MITF: variants seen among roughly 807,000 people sequenced by gnomAD.
MITF encodes melanocyte inducing transcription factor.
In MITF, 17 loss-of-function variants were observed where a neutral mutation model predicts 60.5. The ratio of observed to expected loss-of-function variants is 0.28; its 90% CI spans 0.19 to 0.42. The LOEUF is 0.42. Ranked by LOEUF, MITF falls within the 10% of genes least tolerant of loss-of-function variation. MITF has a pLI of 1.00. For missense variants in MITF, 622 were observed against 683.5 expected (o/e 0.91, Z 1.00); for synonymous variants, 260 against 248.5 (o/e 1.05, Z -0.43).
intron 2 of MITF, among the ~76,000 whole-genome samples, chr3:69,880,160 T>TA (rs1052490635): frequency 6.6e-6 from 1 of 152,324 alleles, no homozygotes; most frequent in Admixed American, 6.5e-5. Context: ...TTTTTTATTT[T>TA]AGTACCTGCT....
chr3:69,959,045 C>T (rs1414251992), intron 8 of MITF, among the ~76,000 whole-genome samples: 4 of 151,812 alleles, frequency 2.6e-5, no homozygotes. Context: ...GGGATAAAAG[C>T]CTACACGTTG....
Position 69,964,655 on chromosome 3 carries a change from A to G in MITF, c.1180-192A>G, listed in dbSNP as rs531719822. ...GTGGCACATTTATTAGAATCAATGA[A>G]CCCGCAGTGACATTTCATTATCCTC... is the stretch of plus-strand genomic sequence containing the variant. On this transcript the variant is annotated intron_variant, in intron 9 of 9. Transcript: ENST00000352241. Among the ~76,000 whole-genome samples, 327 of 139,100 alleles carry G rather than the reference A, an allele frequency of 2.4e-3. 73 individuals are homozygous for G. The highest frequency in any genetic ancestry group is 8.7e-3 in the African/African-American group (316 of 36,374). The allele number at this position is 139,100 out of a possible 152,430, so 91.3% of individuals were successfully genotyped here.
At chr3:69,944,590 GA>G (rs2066050033) in intron 5 of MITF, among the ~76,000 whole-genome samples, 1 of 152,074 alleles carries the variant, frequency 6.6e-6, no homozygotes, top group African/African-American at 2.4e-5. Flanking sequence ...GCCATTAGGG[GA>G]AAGACAATGT....
At position 69,806,067 on chromosome 3, in the gene MITF, G is replaced by T. The variant is rs537854897; in HGVS notation, c.104+66366G>T. ...TTTGCAAAGCGGATTTGGGGTCCAC[G>T]GTATCTGTTAGCAGAGCCAATTTTT... On this transcript the variant is annotated intron_variant, in intron 1 of 9. Transcript: ENST00000352241. Among the ~76,000 whole-genome samples, 64 of 151,716 alleles carry T rather than the reference G, an allele frequency of 4.2e-4. No individual in the cohort carries two copies. In the South Asian group the frequency reaches 5.0e-3, roughly 12 times the overall value.
At chr3:69,904,780 T>G (rs2107362142) in intron 2 of MITF, among the ~76,000 whole-genome samples, 1 of 152,166 alleles carries the variant, frequency 6.6e-6, no homozygotes, top group African/African-American at 2.4e-5. Flanking sequence ...GCAGAGTTCA[T>G]AGACAGAGAA....
chr3:69,887,242 G>A (rs948592008), intron 2 of MITF, among the ~76,000 whole-genome samples: 1 of 152,112 alleles, frequency 6.6e-6, no homozygotes, highest in Non-Finnish European at 1.5e-5. Flanking sequence ...AAAGGACTTA[G>A]CTTTGAAAGA....
intron 1 of MITF, among the ~76,000 whole-genome samples, chr3:69,796,494 CTTTTTTT>C (rs767834091): frequency 5.0e-5 from 4 of 80,328 alleles, no homozygotes; most frequent in Admixed American, 1.5e-4. Context: ...CACCGTCTTT[CTTTTTTT>C]TTTTTTTTTT....
At chr3:69,896,816 G>C (rs1242721777) in intron 2 of MITF, among the ~76,000 whole-genome samples, 8 of 152,182 alleles carry the variant, frequency 5.3e-5, no homozygotes, top group Non-Finnish European at 1.0e-4. Context: ...AGTCTTGAAG[G>C]ACAAGTAGGA....
chr3:69,840,403 G>T (rs1460137046), intron 1 of MITF, among the ~76,000 whole-genome samples: 1 of 152,118 alleles, frequency 6.6e-6, no homozygotes, highest in Non-Finnish European at 1.5e-5. Flanking sequence ...TTGATGGAAG[G>T]CTCAGCTACC....
chr3:69,842,516 T>G (rs948230332), intron 1 of MITF, among the ~76,000 whole-genome samples: 3 of 152,102 alleles, frequency 2.0e-5, no homozygotes, highest in African/African-American at 7.2e-5. Context: ...GGATCAAAAA[T>G]TATAGCATCA....
intron 1 of MITF, among the ~76,000 whole-genome samples, chr3:69,786,098 T>C (rs1457981587): frequency 1.3e-5 from 2 of 152,232 alleles, no homozygotes; most frequent in East Asian, 3.8e-4. Context: ...TTCCTGCGTA[T>C]GCTTTAAGTA....
intron 1 of MITF, among the ~76,000 whole-genome samples, chr3:69,803,784 T>C (rs1283373543): frequency 6.6e-6 from 1 of 152,122 alleles, no homozygotes; most frequent in Non-Finnish European, 1.5e-5. Context: ...CTGCTGCTGT[T>C]ATTATTCTTA....
At chr3:69,767,275 A>G (rs966777888) in intron 1 of MITF, among the ~76,000 whole-genome samples, 6 of 152,168 alleles carry the variant, frequency 3.9e-5, no homozygotes, top group Non-Finnish European at 8.8e-5. Context: ...TGACATAAGT[A>G]TGATGCTAGG....
At chr3:69,809,026 G>A (rs772923713) in intron 1 of MITF, among the ~76,000 whole-genome samples, 5 of 152,064 alleles carry the variant, frequency 3.3e-5, no homozygotes, top group African/African-American at 4.8e-5. Flanking sequence ...GTGGGGTGGA[G>A]CATATGGATA....
chr3:69,851,839 T>A (rs1260460877), intron 1 of MITF, among the ~76,000 whole-genome samples: 1 of 152,142 alleles, frequency 6.6e-6, no homozygotes, highest in African/African-American at 2.4e-5. Context: ...ATTTACCCAA[T>A]ATGCTCACAT....
intron 1 of MITF, among the ~76,000 whole-genome samples, chr3:69,794,731 C>A (rs768667818): frequency 1.2e-4 from 19 of 152,218 alleles, no homozygotes; most frequent in Non-Finnish European, 2.6e-4. Flanking sequence ...ACATTTCCAG[C>A]ACAGTAGAAG....
chr3:69,788,755 G>A (rs1486965927), intron 1 of MITF, among the ~76,000 whole-genome samples: 2 of 152,062 alleles, frequency 1.3e-5, no homozygotes, highest in East Asian at 3.9e-4. Flanking sequence ...CACACAAATA[G>A]ACCAATGTAA....
intron 1 of MITF, among the ~76,000 whole-genome samples, chr3:69,824,232 A>G (rs1241797222): frequency 6.6e-6 from 1 of 152,188 alleles, no homozygotes; most frequent in African/African-American, 2.4e-5. Flanking sequence ...AAGGAGTTCT[A>G]TTATTCTGGC....
chr3:69,863,210 T>G (rs1680868730), intron 1 of MITF, among the ~76,000 whole-genome samples: 3 of 152,126 alleles, frequency 2.0e-5, no homozygotes, highest in Non-Finnish European at 2.9e-5. Flanking sequence ...AAGACATGTG[T>G]TCGTTAATTT....
Sources: allele counts gnomAD v4.1 joint callset (sites outside exome capture counted in the v4.1 genomes callset), GRCh38; gene constraint gnomAD v4.1.1; transcripts MANE v1.5; gene names NCBI Gene and HGNC (gene_info 2026-07-23, HGNC 2026-07-21).